FARP1: variants seen among roughly 807,000 people sequenced by gnomAD.
The protein encoded by FARP1 is FERM, ARH/RhoGEF and pleckstrin domain protein 1, also known as FERM, ARHGEF and pleckstrin domain-containing protein 1.
In FARP1, 52 loss-of-function variants were observed where a neutral mutation model predicts 128.8. The ratio of observed to expected loss-of-function variants is 0.40; its 90% CI spans 0.32 to 0.51. The LOEUF (loss-of-function observed/expected upper bound fraction) is 0.51. FARP1 is among the 20% of genes least tolerant of loss of function. FARP1 has a pLI of 0.45. For missense variants in FARP1, 1,333 were observed against 1,367.9 expected (o/e 0.97, Z 0.40); for synonymous variants, 580 against 551.8 (o/e 1.05, Z -0.72).
intron 1 of FARP1, among the ~76,000 whole-genome samples, chr13:98,168,010 A>C (rs1303045051): frequency 6.6e-6 from 1 of 151,920 alleles, no homozygotes; most frequent in Non-Finnish European, 1.5e-5. Context: ...GTCTCTACTA[A>C]AAATAGAAAA....
intron 5 of FARP1, among the ~76,000 whole-genome samples, chr13:98,376,766 T>G (rs1364916684): frequency 3.1e-4 from 46 of 150,468 alleles, no homozygotes; most frequent in African/African-American, 1.0e-3. Flanking sequence ...TGTGTTTTTT[T>G]TTTTTTTTTT....
At chr13:98,436,655 G>C (rs893940460) in intron 19 of FARP1, among the ~76,000 whole-genome samples, 2 of 152,206 alleles carry the variant, frequency 1.3e-5, no homozygotes, top group Non-Finnish European at 2.9e-5. Context: ...CCTAATTACA[G>C]AACTGACCAG....
At chr13:98,263,299 C>T (rs541627269) in intron 2 of FARP1, among the ~76,000 whole-genome samples, 3 of 152,252 alleles carry the variant, frequency 2.0e-5, no homozygotes, top group African/African-American at 4.8e-5. Flanking sequence ...TGAGCCACCA[C>T]GCCCGGCCAC....
At chr13:98,387,610 C>A (rs1299538412) in intron 8 of FARP1, among the ~76,000 whole-genome samples, 1 of 152,148 alleles carries the variant, frequency 6.6e-6, no homozygotes, top group Non-Finnish European at 1.5e-5. Flanking sequence ...TGAGACTGGG[C>A]AGATGGGAGT....
At chr13:98,169,217 C>T (rs530290440) in intron 1 of FARP1, among the ~76,000 whole-genome samples, 13 of 152,286 alleles carry the variant, frequency 8.5e-5, no homozygotes, top group African/African-American at 3.1e-4. Context: ...CACCCCCATC[C>T]TTCAGCTTCT....
intron 2 of FARP1, among the ~76,000 whole-genome samples, chr13:98,312,817 T>TGCCTTCTCCCTCAG (rs1886537718): frequency 6.6e-6 from 1 of 152,162 alleles, no homozygotes; most frequent in Admixed American, 6.6e-5. Context: ...CACAGGGCGC[T>TGCCTTCTCCCTCAG]CTGCCTTCTC....
At chr13:98,205,662 G>A (rs1880226712) in intron 1 of FARP1, among the ~76,000 whole-genome samples, 1 of 152,026 alleles carries the variant, frequency 6.6e-6, no homozygotes. Context: ...CAAAGTGCTG[G>A]GATTACAGGT....
At chr13:98,419,482 ATACACACACACACAC>A (rs1167191497) in intron 16 of FARP1, among the ~76,000 whole-genome samples, 1 of 124,856 alleles carries the variant, frequency 8.0e-6, no homozygotes, top group African/African-American at 3.1e-5. Context: ...CCAAAAAAAA[ATACACACACACACAC>A]ACACACACAC....
chr13:98,435,520 G>A lies in FARP1; in HGVS notation c.2144-56G>A. 1.9e-6 allele frequency: 3 copies of A among 1,559,204 alleles called. No homozygotes were observed. The Middle Eastern group carries it at 5.3e-4, about 276-fold the overall frequency. The stretch of plus-strand genomic sequence containing the variant: ...GCAGCGTTGAGCTGACAGCTGCTAG[G>A]GGAAGACCCCTGCCTGCCTTTCCCG... On this transcript the variant is annotated intron_variant, in intron 18 of 26. Transcript: ENST00000319562.
chr13:98,307,203 A>G (rs868206833), intron 2 of FARP1, among the ~76,000 whole-genome samples: 2 of 152,230 alleles, frequency 1.3e-5, no homozygotes, highest in Non-Finnish European at 2.9e-5. Context: ...TGAGAGGTTT[A>G]CCTATGAAGT....
chr13:98,270,897 G>A (rs1465458638), intron 2 of FARP1, among the ~76,000 whole-genome samples: 6 of 152,156 alleles, frequency 3.9e-5, no homozygotes, highest in East Asian at 3.8e-4. Flanking sequence ...CAGGGGCCCC[G>A]AGGGCAGGCC....
chr13:98,261,940 G>A (rs1883900669), intron 2 of FARP1, among the ~76,000 whole-genome samples: 2 of 152,024 alleles, frequency 1.3e-5, no homozygotes, highest in South Asian at 4.1e-4. Context: ...GATCTGGAGG[G>A]GACACCCAAT....
At chr13:98,317,960 T>TTTCC (rs923392960) in intron 2 of FARP1, among the ~76,000 whole-genome samples, 2 of 141,182 alleles carry the variant, frequency 1.4e-5, no homozygotes, top group African/African-American at 5.2e-5. Flanking sequence ...CTCTCCTGCG[T>TTTCC]TTCCTTCCTT....
chr13:98,243,244 A>G (rs1882872225), intron 2 of FARP1, among the ~76,000 whole-genome samples: 1 of 152,162 alleles, frequency 6.6e-6, no homozygotes, highest in Non-Finnish European at 1.5e-5. Flanking sequence ...TGAACTGTTA[A>G]TTTGTTCATT....
rs755067872 is a variant in FARP1 at position 98,176,849 on chromosome 13, A to G, written c.-24+33357A>G. The G allele has an allele frequency of 8.7e-6, 14 of 1,609,486 alleles. No individual in the cohort carries two copies. Among genetic ancestry groups the G allele is most frequent in the Admixed American group, 3.3e-5 (2 of 59,732 alleles). On this transcript the variant is annotated intron_variant, in intron 1 of 26. Transcript: ENST00000319562. This position sits in a 1 kb window ranked among gnomAD's most constrained non-coding sequence, Gnocchi z 6.2. ...AGTGCCTCCTGGACCCGCTGGCTGCACTTGAGGATGGTCGGCGTATGGTGC... is the reference window on the plus strand; with the variant it reads ...AGTGCCTCCTGGACCCGCTGGCTGCGCTTGAGGATGGTCGGCGTATGGTGC...
At chr13:98,385,531 T>C (rs1890062429) in intron 7 of FARP1, 136 bp from the exon 8 acceptor site, 4 of 867,380 alleles carry the variant, frequency 4.6e-6, no homozygotes, top group Non-Finnish European at 7.4e-6. Flanking sequence ...GGAGATTGGG[T>C]GTCATCTGAT....
rs1223811003 is a variant in FARP1 at position 98,424,558 on chromosome 13, G to C, written c.1827-14G>C. The C allele has an allele frequency of 1.9e-6, 3 of 1,582,070 alleles. No individual in the cohort carries two copies. The highest frequency in any genetic ancestry group is 3.3e-5 in the Admixed American group (2 of 59,956). On this transcript the variant is annotated splice_polypyrimidine_tract_variant and intron_variant, in intron 16 of 26. Transcript: ENST00000319562. ...TGATGCTTTGTATTTCCAACCCTTT[G>C]CTTTTGCTCTCAGGGAAGGCCGCTC... is the stretch of plus-strand genomic sequence containing the variant.
At chr13:98,322,312 C>A (rs1887030716) in intron 2 of FARP1, among the ~76,000 whole-genome samples, 1 of 152,040 alleles carries the variant, frequency 6.6e-6, no homozygotes, top group Non-Finnish European at 1.5e-5. Flanking sequence ...AACAAACAAA[C>A]AAAAAAATGT....
intron 5 of FARP1, among the ~76,000 whole-genome samples, chr13:98,369,555 C>T (rs1889242355): frequency 6.6e-6 from 1 of 151,928 alleles, no homozygotes; most frequent in Non-Finnish European, 1.5e-5. Flanking sequence ...GTGATGTTCC[C>T]CTTCCTGTGT....
Sources: allele counts gnomAD v4.1 joint callset (sites outside exome capture counted in the v4.1 genomes callset), GRCh38; gene constraint gnomAD v4.1.1; non-coding constraint Gnocchi (gnomAD v3.1); transcripts MANE v1.5; gene names NCBI Gene and HGNC (gene_info 2026-07-23, HGNC 2026-07-21).